HDAC9: variants seen among roughly 807,000 people sequenced by gnomAD.
HDAC9 encodes the protein MEF-2 interacting transcription repressor (MITR) protein.
Under a neutral mutation model 139.4 loss-of-function variants are expected in HDAC9, and 41 were observed. That is an observed-to-expected ratio of 0.29 (90% confidence interval 0.23 to 0.38). The LOEUF (loss-of-function observed/expected upper bound fraction) is 0.38. Among genes scored for constraint, HDAC9 ranks in the 10% least tolerant of loss-of-function variants. HDAC9 has a pLI of 1.00. For missense variants in HDAC9, 1,147 were observed against 1,297.0 expected (o/e 0.88, Z 1.78); for synonymous variants, 517 against 476.2 (o/e 1.09, Z -1.12).
intron 16 of HDAC9, among the ~76,000 whole-genome samples, chr7:18,787,904 G>C (rs1439772204): frequency 6.6e-6 from 1 of 151,970 alleles, no homozygotes; most frequent in Non-Finnish European, 1.5e-5. Flanking sequence ...TTTCAGTTTA[G>C]AAATACTGTC....
chr7:18,671,401 T>A (rs940875290), intron 12 of HDAC9, among the ~76,000 whole-genome samples: 4 of 151,966 alleles, frequency 2.6e-5, no homozygotes, highest in African/African-American at 9.7e-5. Context: ...AGAGTCCGAT[T>A]CAGAAATAAT....
At chr7:18,101,980 T>A (rs897392142) in intron 1 of HDAC9, among the ~76,000 whole-genome samples, 1 of 152,200 alleles carries the variant, frequency 6.6e-6, no homozygotes, top group Non-Finnish European at 1.5e-5. Context: ...ATTGCTCCTC[T>A]TTTATATTTA....
intron 11 of HDAC9, among the ~76,000 whole-genome samples, chr7:18,660,688 T>A (rs1019562582): frequency 6.6e-6 from 1 of 151,954 alleles, no homozygotes; most frequent in African/African-American, 2.4e-5. Flanking sequence ...AGGTAAAATA[T>A]GATAAGAAGG....
intron 25 of HDAC9, among the ~76,000 whole-genome samples, chr7:18,982,001 C>A (rs751796445): frequency 1.3e-5 from 2 of 151,910 alleles, no homozygotes; most frequent in Non-Finnish European, 2.9e-5. Flanking sequence ...GAGCAAATCA[C>A]AGAACCAGGG....
Position 18,495,810 on chromosome 7 carries a change from G to T in HDAC9, c.-255G>T, listed in dbSNP as rs1022812061. 1.6e-5 allele frequency: 16 copies of T among 1,012,728 alleles called. No homozygotes were observed. The African/African-American group carries it at 2.4e-4, about 15-fold the overall frequency. 62.7% of individuals were successfully genotyped at this position (1,012,728 alleles called of 1,614,324 possible). A position where few individuals can be genotyped will look rare whatever the true frequency, so the allele number is the denominator to read the frequency against. On this transcript the variant is annotated 5_prime_UTR_variant, in exon 1 of 26. Transcript: ENST00000686413. ...GGCTGGAGCCACTTGCAGGACTGAGGGTTTTTGCAACAAAACCCTAGCAGC... is the reference window on the plus strand; with the variant it reads ...GGCTGGAGCCACTTGCAGGACTGAGTGTTTTTGCAACAAAACCCTAGCAGC...
In HDAC9 at chr7:18,996,051, C is replaced by T. The variant is rs1303260979; in HGVS notation, c.3199C>T (p.Pro1067Ser). ...RTAGEPMEEE[P>S]AL The stretch of plus-strand genomic sequence containing the variant: ...TGCTGGTGAGCCTATGGAAGAGGAG[C>T]CAGCCTTGTGAAGTGCCAAGTCCCC... Residue 1067 changes from proline to serine, a missense_variant, in exon 26 of 26, where the codon CCA (proline) becomes TCA (serine). By Grantham distance (74) the Pro-to-Ser change is moderately conservative (BLOSUM62 -1). Coordinates refer to ENST00000686413, the MANE Select transcript of HDAC9 (RefSeq NM_178425.4). The T allele has an allele frequency of 1.2e-6, 2 of 1,605,310 alleles. No homozygotes were observed. The highest frequency in any genetic ancestry group is 1.7e-6 in the Non-Finnish European group (2 of 1,175,816).
intron 17 of HDAC9, among the ~76,000 whole-genome samples, chr7:18,816,075 A>T (rs1794541562): frequency 6.6e-6 from 1 of 152,248 alleles, no homozygotes; most frequent in South Asian, 2.1e-4. Context: ...AAGGCAATAC[A>T]AATAACTGAG....
At chr7:18,932,838 AGG>A in intron 22 of HDAC9, among the ~76,000 whole-genome samples, 1 of 147,754 alleles carries the variant, frequency 6.8e-6, no homozygotes, top group Non-Finnish European at 1.5e-5. Flanking sequence ...GAAGGAAGGA[AGG>A]AAGGAAAAAA....
At chr7:18,860,998 C>T (rs537610904) in intron 21 of HDAC9, among the ~76,000 whole-genome samples, 21 of 152,132 alleles carry the variant, frequency 1.4e-4, no homozygotes, top group Non-Finnish European at 3.1e-4. Flanking sequence ...CAGCTCTAGT[C>T]CTTACAAATA....
chr7:18,473,039 G>A (rs1359593380), intron 1 of HDAC9, among the ~76,000 whole-genome samples: 3 of 152,158 alleles, frequency 2.0e-5, no homozygotes, highest in East Asian at 1.9e-4. Flanking sequence ...TCAAAGCCAC[G>A]GAGAAGAAAA....
At chr7:18,482,157 A>G (rs1047348221) in intron 1 of HDAC9, among the ~76,000 whole-genome samples, 2 of 151,900 alleles carry the variant, frequency 1.3e-5, no homozygotes, top group Non-Finnish European at 2.9e-5. Context: ...GGAAAAGATC[A>G]TATTCTGCTT....
intron 13 of HDAC9, among the ~76,000 whole-genome samples, chr7:18,734,014 G>A (rs74937816): frequency 0.014 from 2,085 of 152,068 alleles, 47 homozygotes; most frequent in African/African-American, 0.048. Context: ...TCTACTTACG[G>A]AAATATCCTC....
intron 1 of HDAC9, among the ~76,000 whole-genome samples, chr7:18,360,236 CAT>C (rs1274649294): frequency 1.3e-5 from 2 of 152,194 alleles, no homozygotes; most frequent in African/African-American, 2.4e-5. Context: ...TGGCAAAACT[CAT>C]ATCTGCCACC....
intron 6 of HDAC9, among the ~76,000 whole-genome samples, chr7:18,601,184 C>G (rs778890259): frequency 5.3e-5 from 8 of 152,184 alleles, no homozygotes; most frequent in Non-Finnish European, 1.2e-4. Context: ...TTTACATCCT[C>G]TACATAATTT....
chr7:18,379,190 C>T (rs1785229878), intron 1 of HDAC9, among the ~76,000 whole-genome samples: 1 of 152,148 alleles, frequency 6.6e-6, no homozygotes, highest in African/African-American at 2.4e-5. Context: ...AGAATGAATA[C>T]AAACTACATT....
chr7:18,382,246 G>T (rs1193599603), intron 1 of HDAC9, among the ~76,000 whole-genome samples: 1 of 152,058 alleles, frequency 6.6e-6, no homozygotes, highest in Non-Finnish European at 1.5e-5. Flanking sequence ...ATAGTAACAA[G>T]TGATTCCCAA....
At chr7:18,175,190 G>C (rs980314071) in intron 2 of HDAC9, among the ~76,000 whole-genome samples, 1 of 152,174 alleles carries the variant, frequency 6.6e-6, no homozygotes. Context: ...CTGCCAGGCT[G>C]CTGCCTTGCA....
chr7:18,981,170 T>G (rs1784926037), intron 25 of HDAC9, among the ~76,000 whole-genome samples: 1 of 152,094 alleles, frequency 6.6e-6, no homozygotes, highest in Non-Finnish European at 1.5e-5. Context: ...ATCTATAATA[T>G]AAGAATATAG....
At chr7:18,428,661 T>G (rs1173413435) in intron 1 of HDAC9, among the ~76,000 whole-genome samples, 1 of 152,218 alleles carries the variant, frequency 6.6e-6, no homozygotes, top group East Asian at 1.9e-4. Context: ...ATTGGAGCCC[T>G]GGTTTATCCT....
Sources: allele counts gnomAD v4.1 joint callset (sites outside exome capture counted in the v4.1 genomes callset), GRCh38; gene constraint gnomAD v4.1.1; transcripts MANE v1.5; gene names NCBI Gene and HGNC (gene_info 2026-07-23, HGNC 2026-07-21).